The following PTPRM variants were observed in gnomAD, a reference collection of about 807,000 sequenced individuals.
PTPRM encodes the protein receptor-type tyrosine-protein phosphatase mu.
PTPRM carries 47 observed loss-of-function variants against 186.7 expected under a neutral mutation model. The observed-to-expected ratio is 0.25, with a 90% confidence interval of 0.20 to 0.32. The LOEUF (loss-of-function observed/expected upper bound fraction) is 0.32. Among genes scored for constraint, PTPRM ranks in the 10% least tolerant of loss-of-function variants. PTPRM has a pLI of 1.00. For missense variants in PTPRM, 1,494 were observed against 1,865.0 expected (o/e 0.80, Z 3.66); for synonymous variants, 668 against 674.9 (o/e 0.99, Z 0.16).
intron 1 of PTPRM, among the ~76,000 whole-genome samples, chr18:7,763,712 A>G (rs989121563): frequency 4.6e-5 from 7 of 152,198 alleles, no homozygotes; most frequent in Non-Finnish European, 4.4e-5. Context: ...TGTAGAAAAA[A>G]TGTTCATTGA....
chr18:7,673,558 C>G (rs1211954553), intron 1 of PTPRM, among the ~76,000 whole-genome samples: 1 of 151,978 alleles, frequency 6.6e-6, no homozygotes, highest in South Asian at 2.1e-4. Flanking sequence ...TGAGAAACTT[C>G]TACAAAACAA....
At chr18:7,705,784 C>A (rs1303195072) in intron 1 of PTPRM, among the ~76,000 whole-genome samples, 1 of 151,490 alleles carries the variant, frequency 6.6e-6, no homozygotes, top group East Asian at 1.9e-4. Flanking sequence ...GCCTCAAACT[C>A]TTGGACTCAA....
At chr18:8,361,485 A>T (rs62086572) in intron 23 of PTPRM, among the ~76,000 whole-genome samples, 83 of 152,226 alleles carry the variant, frequency 5.5e-4, no homozygotes, top group Non-Finnish European at 1.0e-3. Flanking sequence ...AATAGACATG[A>T]TTGTTATTCT....
At chr18:8,292,504 T>G (rs2095053070) in intron 19 of PTPRM, among the ~76,000 whole-genome samples, 1 of 152,192 alleles carries the variant, frequency 6.6e-6, no homozygotes, top group African/African-American at 2.4e-5. Flanking sequence ...TTACGGAAAA[T>G]GCAAGACACC....
chr18:8,152,245 TG>T (rs1056886307), intron 14 of PTPRM, among the ~76,000 whole-genome samples: 6 of 152,228 alleles, frequency 3.9e-5, no homozygotes, highest in Admixed American at 3.9e-4. Context: ...TCAACATTTC[TG>T]GAGCTGAAGC....
intron 31 of PTPRM, 106 bp from the exon 32 acceptor site, chr18:8,394,370 T>G: frequency 7.6e-7 from 1 of 1,311,922 alleles, no homozygotes; most frequent in Non-Finnish European, 1.0e-6. Flanking sequence ...TCAGAGCCCT[T>G]TGTTGTTACT....
chr18:7,664,995 C>T lies in PTPRM; in HGVS notation c.73+97104C>T, dbSNP rs375589376. ...TGAGATGTCACTACCTTAGTGGAGA[C>T]GAGAAGTATGTATTGGACCTGTGGG... On this transcript the variant is annotated intron_variant, in intron 1 of 32. Coordinates refer to ENST00000580170, the MANE Select transcript of PTPRM (RefSeq NM_001105244.2). Among the ~76,000 whole-genome samples, 7 of 152,022 alleles carry T rather than the reference C, an allele frequency of 4.6e-5. No individual in the cohort carries two copies. The East Asian group carries it at 9.7e-4, about 21-fold the overall frequency.
At chr18:8,053,189 A>G (rs2087637614) in intron 7 of PTPRM, among the ~76,000 whole-genome samples, 1 of 152,068 alleles carries the variant, frequency 6.6e-6, no homozygotes, top group Non-Finnish European at 1.5e-5. Flanking sequence ...CTTTACAATA[A>G]TAAGGTTTTA....
In PTPRM at chr18:7,997,506, G is replaced by A. The variant is rs4356582; in HGVS notation, c.1132+42092G>A. ...TTTTTTGTTAAAATATTGAAAACACGTGGGAACCAAAGCAAAAAATAGACA... is the reference window on the plus strand; with the variant it reads ...TTTTTTGTTAAAATATTGAAAACACATGGGAACCAAAGCAAAAAATAGACA... On this transcript the variant is annotated intron_variant, in intron 7 of 32. Transcript: ENST00000580170. Among the ~76,000 whole-genome samples, 1,387 of 152,188 alleles carry A rather than the reference G, an allele frequency of 9.1e-3. 19 individuals carry two copies. The highest frequency in any genetic ancestry group is 0.032 in the African/African-American group (1,329 of 41,548).
intron 20 of PTPRM, among the ~76,000 whole-genome samples, chr18:8,307,247 A>G (rs1290455090): frequency 6.6e-6 from 1 of 152,222 alleles, no homozygotes; most frequent in African/African-American, 2.4e-5. Flanking sequence ...TGGAAGACAT[A>G]GGGATTAACT....
intron 2 of PTPRM, among the ~76,000 whole-genome samples, chr18:7,838,842 G>A (rs1262507058): frequency 6.6e-6 from 1 of 152,214 alleles, no homozygotes; most frequent in Non-Finnish European, 1.5e-5. Context: ...TTTACCTGGT[G>A]TTCTGTTGTC....
At chr18:8,251,840 A>G (rs917505990) in intron 17 of PTPRM, 1 of 152,288 alleles carries the variant, frequency 6.6e-6, no homozygotes, top group Admixed American at 6.5e-5. Context: ...TTCCCTATTG[A>G]TATACAATCT....
At chr18:7,778,274 T>C (rs968116259) in intron 2 of PTPRM, among the ~76,000 whole-genome samples, 4 of 151,970 alleles carry the variant, frequency 2.6e-5, no homozygotes, top group African/African-American at 9.7e-5. Context: ...CTAAATGCCG[T>C]TTAAATTTTT....
At chr18:8,058,163 G>A (rs1436991896) in intron 7 of PTPRM, among the ~76,000 whole-genome samples, 2 of 126,250 alleles carry the variant, frequency 1.6e-5, no homozygotes, top group Admixed American at 8.1e-5. Context: ...GTGTGAGATG[G>A]TATCTCATAG....
At chr18:7,646,813 C>T (rs935146801) in intron 1 of PTPRM, among the ~76,000 whole-genome samples, 3 of 152,072 alleles carry the variant, frequency 2.0e-5, no homozygotes, top group African/African-American at 7.2e-5. Flanking sequence ...TTTGAGTAAC[C>T]TATGCAAGAT....
Position 7,833,743 on chromosome 18 carries a change from A to AAACAACAACAAC in PTPRM, c.197-54333_197-54322dup, listed in dbSNP as rs150303636. Among the ~76,000 whole-genome samples, 11 of 149,744 alleles carry AAACAACAACAAC rather than the reference A, an allele frequency of 7.3e-5. No homozygotes were observed. In the South Asian group the frequency reaches 1.7e-3, roughly 23 times the overall value. On this transcript the variant is annotated intron_variant, in intron 2 of 32. Transcript: ENST00000580170. ...GAGCGAGACTCTGTCTCAGAAAGAA[A>AAACAACAACAAC]AACAACAACAACAACAACAACAACA...
At chr18:8,255,163 C>T (rs1263377652) in intron 19 of PTPRM, among the ~76,000 whole-genome samples, 2 of 152,000 alleles carry the variant, frequency 1.3e-5, no homozygotes, top group Non-Finnish European at 2.9e-5. Context: ...GTATGAAAGA[C>T]AAAATTAGGT....
At chr18:8,304,643 G>T (rs1372102385) in intron 20 of PTPRM, among the ~76,000 whole-genome samples, 1 of 152,086 alleles carries the variant, frequency 6.6e-6, no homozygotes, top group African/African-American at 2.4e-5. Flanking sequence ...TTCAAGTCAT[G>T]CATGGCAAAT....
intron 1 of PTPRM, among the ~76,000 whole-genome samples, chr18:7,589,715 A>C (rs1289661972): frequency 6.6e-6 from 1 of 152,228 alleles, no homozygotes; most frequent in Non-Finnish European, 1.5e-5. Context: ...TATAATGTAG[A>C]TATTAAGACT....
Sources: gnomAD v4.1 joint callset for allele counts (sites outside exome capture counted in the v4.1 genomes callset) on GRCh38, gnomAD v4.1.1 for gene constraint, MANE v1.5 for transcripts, NCBI Gene and HGNC (gene_info 2026-07-23, HGNC 2026-07-21) for gene names.